PCGF5: variants seen among roughly 807,000 people sequenced by gnomAD.
PCGF5 encodes polycomb group ring finger 5.
PCGF5 carries 9 observed loss-of-function variants against 44.3 expected under a neutral mutation model. The observed-to-expected ratio is 0.20, with a 90% CI of 0.12 to 0.35. PCGF5 has a LOEUF of 0.35. Ranked by LOEUF, PCGF5 falls within the 10% of genes least tolerant of loss-of-function variation. The pLI, the probability that PCGF5 is intolerant of heterozygous loss-of-function variation, is 1.00. For missense variants in PCGF5, 146 were observed against 305.3 expected, an observed-to-expected ratio of 0.48 and a Z score of 3.89; for synonymous variants, 95 against 102.5, an observed-to-expected ratio of 0.93 and a Z score of 0.44.
intron 1 of PCGF5, among the ~76,000 whole-genome samples, chr10:91,185,208 T>TG (rs35281303): frequency 0.22 from 32,901 of 151,994 alleles, 3,918 homozygotes; most frequent in East Asian, 0.49. Context: ...AAAACACCAG[T>TG]GGGGTGGCTG....
chr10:91,236,446 C>T (rs1845165702), intron 2 of PCGF5, among the ~76,000 whole-genome samples: 1 of 152,198 alleles, frequency 6.6e-6, no homozygotes, highest in Non-Finnish European at 1.5e-5. Flanking sequence ...CCCTTTCTGA[C>T]CCAGGTGCTT....
chr10:91,211,696 A>AGAGGAG (rs1177321872), intron 1 of PCGF5, among the ~76,000 whole-genome samples: 1 of 152,196 alleles, frequency 6.6e-6, no homozygotes, highest in Non-Finnish European at 1.5e-5. Flanking sequence ...AAGAAGAGGA[A>AGAGGAG]GAGGAGGAGG....
At chr10:91,241,396 GTCTATGA>G (rs1252348305) in intron 3 of PCGF5, among the ~76,000 whole-genome samples, 5 of 152,028 alleles carry the variant, frequency 3.3e-5, no homozygotes, top group African/African-American at 9.7e-5. Flanking sequence ...ACTGGAAGTG[GTCTATGA>G]GATTCTAATC....
At chr10:91,243,894 C>T (rs751237516) in intron 3 of PCGF5, among the ~76,000 whole-genome samples, 3 of 152,150 alleles carry the variant, frequency 2.0e-5, no homozygotes, top group Non-Finnish European at 4.4e-5. Flanking sequence ...CATTATATTT[C>T]TATTGGTCAT....
intron 3 of PCGF5, among the ~76,000 whole-genome samples, chr10:91,245,775 A>G (rs1279118496): frequency 6.6e-6 from 1 of 152,060 alleles, no homozygotes; most frequent in Non-Finnish European, 1.5e-5. Context: ...TTGCTTTGAC[A>G]TTTTTCATTG....
chr10:91,202,040 A>G (rs183741388), intron 1 of PCGF5, among the ~76,000 whole-genome samples: 1 of 152,320 alleles, frequency 6.6e-6, no homozygotes, highest in African/African-American at 2.4e-5. Context: ...TTTTATTAGC[A>G]TTGTGACCAG....
chr10:91,227,956 A>C, intron 2 of PCGF5: 1 of 958,300 alleles, frequency 1.0e-6, no homozygotes, highest in South Asian at 4.8e-5. Flanking sequence ...ATGGCTAATA[A>C]GTTATTTTAT....
At chr10:91,271,251 C>G (rs1176950415) in intron 8 of PCGF5, among the ~76,000 whole-genome samples, 1 of 151,942 alleles carries the variant, frequency 6.6e-6, no homozygotes, top group Admixed American at 6.6e-5. Context: ...GTATTACTTT[C>G]AGGGGAAGTT....
chr10:91,172,105 A>G (rs958266880), intron 1 of PCGF5, among the ~76,000 whole-genome samples: 3 of 152,198 alleles, frequency 2.0e-5, no homozygotes, highest in African/African-American at 7.2e-5. Flanking sequence ...TCTCGAAATA[A>G]CTGGGATCTC....
chr10:91,236,578 A>G (rs1845169075), intron 2 of PCGF5, among the ~76,000 whole-genome samples: 1 of 152,210 alleles, frequency 6.6e-6, no homozygotes, highest in Admixed American at 6.5e-5. Context: ...AATTGGGTTA[A>G]CCACTACAGC....
Position 91,220,849 on chromosome 10 carries a change from C to T in PCGF5, c.-184+13C>T. On this transcript the variant is annotated intron_variant, in intron 1 of 9. Transcript: ENST00000336126. ...TGGCGGCCGCTGGGTAGGTACCGGGCGGGCTGGGGAGCTGCAGGGACGCCA... is the reference window on the plus strand; with the variant it reads ...TGGCGGCCGCTGGGTAGGTACCGGGTGGGCTGGGGAGCTGCAGGGACGCCA... 1 of 153,818 alleles carries T rather than the reference C, an allele frequency of 6.5e-6. No individual in the cohort carries two copies. The highest frequency in any genetic ancestry group is 1.9e-4 in the East Asian group (1 of 5,238). The allele number at this position is 153,818 out of a possible 1,614,324, so 9.5% of individuals were successfully genotyped here. A position where few individuals can be genotyped will look rare whatever the true frequency, so the allele number is the denominator to read the frequency against.
intron 2 of PCGF5, among the ~76,000 whole-genome samples, chr10:91,234,045 G>T (rs1845085625): frequency 6.6e-6 from 1 of 152,188 alleles, no homozygotes; most frequent in Non-Finnish European, 1.5e-5. Flanking sequence ...TCAAAGCTGG[G>T]AAGCTCACTC....
At chr10:91,262,473 A>G (rs939958156) in intron 7 of PCGF5, among the ~76,000 whole-genome samples, 5 of 152,166 alleles carry the variant, frequency 3.3e-5, no homozygotes, top group Admixed American at 2.0e-4. Context: ...CTAGTTTCCT[A>G]TATAAACAAA....
At chr10:91,271,404 A>G (rs1235205163) in intron 8 of PCGF5, among the ~76,000 whole-genome samples, 1 of 152,184 alleles carries the variant, frequency 6.6e-6, no homozygotes, top group Non-Finnish European at 1.5e-5. Context: ...TTGCATTTGC[A>G]GAATATTAAA....
At chr10:91,198,188 T>C (rs1589364353) in intron 1 of PCGF5, among the ~76,000 whole-genome samples, 1 of 152,186 alleles carries the variant, frequency 6.6e-6, no homozygotes, top group Admixed American at 6.5e-5. Flanking sequence ...TTTCCGTCTC[T>C]CTAAATTGAA....
intron 6 of PCGF5, among the ~76,000 whole-genome samples, chr10:91,254,870 G>A (rs769896721): frequency 2.0e-5 from 3 of 152,048 alleles, no homozygotes; most frequent in African/African-American, 7.2e-5. Context: ...TGCATATAGA[G>A]CATTTTATCA....
At chr10:91,201,882 G>A (rs1589366156) in intron 1 of PCGF5, among the ~76,000 whole-genome samples, 1 of 152,148 alleles carries the variant, frequency 6.6e-6, no homozygotes, top group African/African-American at 2.4e-5. Flanking sequence ...GTGCTTTAAT[G>A]TGGTGATTTC....
upstream of PCGF5, among the ~76,000 whole-genome samples, chr10:91,158,473 C>CA (rs1164273553): frequency 1.3e-5 from 2 of 152,152 alleles, no homozygotes; most frequent in Non-Finnish European, 2.9e-5. Context: ...CAGCATTACT[C>CA]AAGTCAGTCA....
chr10:91,238,892 T>G (rs1158713777), intron 2 of PCGF5, among the ~76,000 whole-genome samples: 1 of 152,102 alleles, frequency 6.6e-6, no homozygotes, highest in Non-Finnish European at 1.5e-5. Context: ...TTTTCTTTTT[T>G]TAAGGTTTTC....
Sources: gnomAD v4.1 joint callset for allele counts (sites outside exome capture counted in the v4.1 genomes callset) on GRCh38, gnomAD v4.1.1 for gene constraint, MANE v1.5 for transcripts, NCBI Gene and HGNC (gene_info 2026-07-23, HGNC 2026-07-21) for gene names.